Variants in FOXP2 observed in about 807,000 individuals in gnomAD.
FOXP2 encodes the protein forkhead box P2, also known as forkhead box protein P2.
A neutral mutation model predicts 115.8 loss-of-function variants in FOXP2; 12 were observed. The observed-to-expected ratio is 0.10, with a 90% CI of 0.07 to 0.17. FOXP2 has a LOEUF of 0.17. FOXP2 is among the 10% of genes least tolerant of loss of function. The pLI, the probability that FOXP2 is intolerant of heterozygous loss-of-function variation, is 1.00. For synonymous variants in FOXP2, 328 were observed against 297.7 expected (o/e 1.10, Z -1.05); for missense variants, 629 against 843.5 (o/e 0.75, Z 3.15).
At chr7:114,343,042 C>T (rs1235617010) in intron 2 of FOXP2, among the ~76,000 whole-genome samples, 1 of 151,530 alleles carries the variant, frequency 6.6e-6, no homozygotes, top group Non-Finnish European at 1.5e-5. Context: ...CTCCTTATCC[C>T]TACACCATAA....
chr7:114,150,719 A>G (rs1396406007), intron 1 of FOXP2, among the ~76,000 whole-genome samples: 1 of 152,048 alleles, frequency 6.6e-6, no homozygotes, highest in African/African-American at 2.4e-5. Flanking sequence ...ACTTCTTAAA[A>G]TTGCAATTAT....
At chr7:114,370,678 TTGAG>T (rs1290143052) in intron 2 of FOXP2, among the ~76,000 whole-genome samples, 1 of 152,180 alleles carries the variant, frequency 6.6e-6, no homozygotes, top group Admixed American at 6.5e-5. Context: ...TTTGAAATGA[TTGAG>T]TTTGGATTTG....
At chr7:114,213,312 C>G (rs1319690532) in intron 1 of FOXP2, among the ~76,000 whole-genome samples, 3 of 152,132 alleles carry the variant, frequency 2.0e-5, no homozygotes, top group African/African-American at 4.8e-5. Flanking sequence ...CATTTGCTCT[C>G]CATTTCAAAT....
At chr7:114,121,998 G>C (rs895555561) in intron 1 of FOXP2, among the ~76,000 whole-genome samples, 7 of 152,054 alleles carry the variant, frequency 4.6e-5, no homozygotes, top group African/African-American at 1.4e-4. Context: ...TTCCTGTTCT[G>C]CATGGATTAA....
At chr7:114,604,073 A>G (rs1322463939) in intron 3 of FOXP2, among the ~76,000 whole-genome samples, 2 of 152,314 alleles carry the variant, frequency 1.3e-5, no homozygotes, top group South Asian at 4.1e-4. Flanking sequence ...ACAAATTACC[A>G]TAACGTGAGT....
chr7:114,255,558 G>A (rs1795587746), intron 1 of FOXP2, among the ~76,000 whole-genome samples: 1 of 152,208 alleles, frequency 6.6e-6, no homozygotes, highest in African/African-American at 2.4e-5. Context: ...TGCTAGCAAT[G>A]AACGAGGATC....
intron 1 of FOXP2, among the ~76,000 whole-genome samples, chr7:114,124,921 G>A (rs1214507932): frequency 1.3e-5 from 2 of 152,000 alleles, no homozygotes; most frequent in East Asian, 3.9e-4. Context: ...ACTCTGTGAG[G>A]CATACGTTTT....
intron 16 of FOXP2, among the ~76,000 whole-genome samples, chr7:114,675,869 C>A: frequency 6.6e-6 from 1 of 151,558 alleles, no homozygotes; most frequent in South Asian, 2.1e-4. Flanking sequence ...AAAAAGAATT[C>A]ATAGGATTAT....
chr7:114,637,559 T>A (rs1456027), intron 6 of FOXP2, among the ~76,000 whole-genome samples: 19,926 of 152,176 alleles, frequency 0.13, 1,546 homozygotes, highest in African/African-American at 0.22. Context: ...TTGAGCTTTC[T>A]GTGACTGCAG....
chr7:114,622,504 G>A (rs1804308353), intron 3 of FOXP2, among the ~76,000 whole-genome samples: 1 of 151,834 alleles, frequency 6.6e-6, no homozygotes, highest in South Asian at 2.1e-4. Flanking sequence ...CTAAATGTTG[G>A]AATTAGCATT....
At chr7:114,352,070 C>T (rs1292633589) in intron 2 of FOXP2, among the ~76,000 whole-genome samples, 1 of 151,664 alleles carries the variant, frequency 6.6e-6, no homozygotes, top group South Asian at 2.1e-4. Context: ...GAGTTCAAGA[C>T]CAGCTGGGGC....
chr7:114,438,547 A>G (rs994077063), intron 2 of FOXP2, among the ~76,000 whole-genome samples: 5 of 151,940 alleles, frequency 3.3e-5, no homozygotes, highest in African/African-American at 1.2e-4. Flanking sequence ...TATATTCATT[A>G]TAACAACTAG....
intron 1 of FOXP2, among the ~76,000 whole-genome samples, chr7:114,115,818 T>C (rs1001490682): frequency 1.3e-5 from 2 of 152,136 alleles, no homozygotes; most frequent in African/African-American, 2.4e-5. Flanking sequence ...GCAGGGACTT[T>C]TGTTTTGCCT....
intron 13 of FOXP2, among the ~76,000 whole-genome samples, chr7:114,660,890 C>T (rs984298321): frequency 1.2e-4 from 19 of 152,012 alleles, no homozygotes; most frequent in African/African-American, 4.3e-4. Context: ...GCTCGGGGAT[C>T]CAGCAAAACT....
intron 2 of FOXP2, among the ~76,000 whole-genome samples, chr7:114,396,774 A>C (rs965401349): frequency 2.6e-5 from 4 of 152,028 alleles, no homozygotes; most frequent in Non-Finnish European, 5.9e-5. Flanking sequence ...CAACATAGGG[A>C]CTATACATTA....
At chr7:114,461,396 G>A (rs1393967359) in intron 2 of FOXP2, among the ~76,000 whole-genome samples, 2 of 151,716 alleles carry the variant, frequency 1.3e-5, no homozygotes, top group South Asian at 2.1e-4. Context: ...ACCATTGTTA[G>A]CCCTTATTTC....
intron 2 of FOXP2, among the ~76,000 whole-genome samples, chr7:114,477,633 G>C (rs1269008158): frequency 6.6e-6 from 1 of 151,522 alleles, no homozygotes; most frequent in Non-Finnish European, 1.5e-5. Flanking sequence ...TGTACCCCCT[G>C]TATCTAATGT....
chr7:114,428,369 A>T (rs1199128134), intron 2 of FOXP2, among the ~76,000 whole-genome samples: 2 of 151,554 alleles, frequency 1.3e-5, no homozygotes, highest in Non-Finnish European at 3.0e-5. Flanking sequence ...TTAGGTCTAT[A>T]AGGTGTGTTT....
At chr7:114,546,245 C>T (rs953712396) in intron 3 of FOXP2, among the ~76,000 whole-genome samples, 14 of 152,126 alleles carry the variant, frequency 9.2e-5, no homozygotes, top group Non-Finnish European at 1.3e-4. Context: ...CTTTTCCTGA[C>T]GCCATTGTGT....
Sources: allele counts gnomAD v4.1 joint callset (sites outside exome capture counted in the v4.1 genomes callset), GRCh38; gene constraint gnomAD v4.1.1; transcripts MANE v1.5; gene names NCBI Gene and HGNC (gene_info 2026-07-23, HGNC 2026-07-21).